The following DFFA variants were observed in gnomAD, a reference collection of about 807,000 sequenced individuals.
DFFA encodes DFF45.
A neutral mutation model predicts 28.0 loss-of-function variants in DFFA; 14 were observed. That is an observed-to-expected ratio of 0.50 (90% confidence interval 0.33 to 0.78). The LOEUF (loss-of-function observed/expected upper bound fraction) is 0.78, where lower values mean the gene tolerates loss of function less well. DFFA is among the 30% of genes least tolerant of loss of function. DFFA has a pLI of 0.02. For missense variants in DFFA, 395 were observed against 407.1 expected (o/e 0.97, Z 0.26); for synonymous variants, 158 against 170.3 (o/e 0.93, Z 0.56).
chr1:10,465,358 C>T lies in DFFA; in HGVS notation c.442-1738G>A, dbSNP rs573604955. Among the ~76,000 whole-genome samples the T allele has an allele frequency of 1.4e-3, 212 of 152,188 alleles. 1 individual carries two copies. The highest frequency in any genetic ancestry group is 2.6e-3 in the Non-Finnish European group (179 of 68,000). The stretch of plus-strand genomic sequence containing the variant: ...CTCTGCTCACTGCTACCTCCCCCTC[C>T]CAGGTCAAGTGATTCTCCTGCCTCA... On this transcript the variant is annotated intron_variant, in intron 3 of 5. Transcript: ENST00000377038.
At chr1:10,462,026 T>C (rs932557705) in intron 5 of DFFA, 2 of 210,534 alleles carry the variant, frequency 9.5e-6, no homozygotes, top group Non-Finnish European at 1.6e-5. Flanking sequence ...GGCTAATTTT[T>C]TTGTATTTTT....
In DFFA at chr1:10,463,474, G is replaced by T; in HGVS notation, c.588C>A (p.Leu196=). ...RQSKQLLQLY[L]QALEKEGSLL... ...GGCTGCCCTCTTTCTCCAAAGCCTGGAGGTACAGCTGCAGGAGCTGCTTGG... is the reference window on the plus strand; with the variant it reads ...GGCTGCCCTCTTTCTCCAAAGCCTGTAGGTACAGCTGCAGGAGCTGCTTGG... Residue 196 remains leucine (L), a synonymous_variant, in exon 4 of 6, where the codon CTC becomes CTA. Transcript: ENST00000377038. The T allele has an allele frequency of 6.2e-7, 1 of 1,614,010 alleles. No homozygotes were observed. The highest frequency in any genetic ancestry group is 8.5e-7 in the Non-Finnish European group (1 of 1,180,026).
At position 10,460,260 on chromosome 1, in the gene DFFA, A is replaced by C. The variant is rs1057264308; in HGVS notation, c.*1230T>G. On this transcript the variant is annotated 3_prime_UTR_variant, in exon 6 of 6. Transcript: ENST00000377038. ...ACTCTGTCTCAAAAAAACAAAACAAAACTTTTTTTTTTTCTTGAGATACGG... is the reference window on the plus strand; with the variant it reads ...ACTCTGTCTCAAAAAAACAAAACAACACTTTTTTTTTTTCTTGAGATACGG... The C allele has an allele frequency of 1.3e-5, 2 of 151,290 alleles. No individual in the cohort carries two copies. Among genetic ancestry groups the C allele is most frequent in the African/African-American group, 4.9e-5 (2 of 41,206 alleles). 9.4% of individuals were successfully genotyped at this position (151,290 alleles called of 1,614,324 possible). A position where few individuals can be genotyped will look rare whatever the true frequency, so the allele number is the denominator to read the frequency against.
chr1:10,461,661 C>A lies in DFFA; in HGVS notation c.825G>T (p.Leu275Phe). The change falls in exon 6 of 6, where the codon TTG becomes TTT. Residue 275 changes from leucine (L) to phenylalanine (F), a missense_variant. Coordinates refer to ENST00000377038, the MANE Select transcript of DFFA (RefSeq NM_004401.3). ...KEDPKALAVA[L>F]NWDIKKTETV... ...TCTCCGTCTTCTTTATGTCCCAGTT[C>A]AAGGCAACAGCCAGTGCTTTGGGGT... The A allele has an allele frequency of 6.2e-7, 1 of 1,614,278 alleles. No homozygotes were observed. Among genetic ancestry groups the A allele is most frequent in the South Asian group, 1.1e-5 (1 of 91,086 alleles).
In DFFA at chr1:10,469,256, G is replaced by A. The variant is rs756032927; in HGVS notation, c.219C>T (p.Asp73=). 3 of 1,613,942 alleles carry A rather than the reference G, an allele frequency of 1.9e-6. No homozygotes were observed. Among genetic ancestry groups the A allele is most frequent in the East Asian group, 2.2e-5 (1 of 44,906 alleles). ...TGGAAGGTAGACACAGAAAGTAATC[G>A]TCATCATCCACTATGGTGCCATCCT... ...LAEDGTIVDD[D]DYFLCLPSNT... The change falls in exon 2 of 6, where the codon GAC becomes GAT. Residue 73 remains aspartate (D), a synonymous_variant. Transcript: ENST00000377038.
Position 10,463,609 on chromosome 1 carries a change from G to A in DFFA, c.453C>T (p.Asp151=), listed in dbSNP as rs12567730. ...LSEEDLQMLV[D]APCSDLAQEL... ...CCTGAGCCAGGTCTGAGCAGGGAGC[G>A]TCAACAAGCATCTAACAAACAAACA... Residue 151 remains aspartate (D), a synonymous_variant, in exon 4 of 6, where the codon GAC becomes GAT. Coordinates refer to ENST00000377038, the MANE Select transcript of DFFA (RefSeq NM_004401.3). 2.4e-4 allele frequency: 379 copies of A among 1,610,414 alleles called. No homozygotes were observed. In the East Asian group the frequency reaches 5.9e-3, roughly 25 times the overall value.
rs1165962738 is a variant in DFFA at position 10,461,148 on chromosome 1, G to A, written c.*342C>T. ...GATGGTCTCGATCTCCTGACTTCACGATCCGCCCCCCTCGGCCTCCCAGTG... is the reference window on the plus strand; with the variant it reads ...GATGGTCTCGATCTCCTGACTTCACAATCCGCCCCCCTCGGCCTCCCAGTG... On this transcript the variant is annotated 3_prime_UTR_variant, in exon 6 of 6. Coordinates refer to ENST00000377038, the MANE Select transcript of DFFA (RefSeq NM_004401.3). 5 of 201,634 alleles carry A rather than the reference G, an allele frequency of 2.5e-5. No homozygotes were observed. Among genetic ancestry groups the A allele is most frequent in the African/African-American group, 6.8e-5 (3 of 44,102 alleles). 12.5% of individuals were successfully genotyped at this position (201,634 alleles called of 1,614,324 possible).
rs201801359 is a variant in DFFA at position 10,462,031 on chromosome 1, A to AT, written c.784-330dup. 1,578 of 205,234 alleles carry AT rather than the reference A, an allele frequency of 7.7e-3. 29 individuals are homozygous for AT. The highest frequency in any genetic ancestry group is 0.035 in the African/African-American group (1,464 of 42,318). The allele number at this position is 205,234 out of a possible 1,614,324, so 12.7% of individuals were successfully genotyped here. On this transcript the variant is annotated intron_variant, in intron 5 of 5. Transcript: ENST00000377038. Reference sequence around the variant, plus strand: ...GACCACGCCTGGCTAATTTTTTTGTATTTTTTTTAGTAGAGACGGGGTTTC... The same window carrying AT: ...GACCACGCCTGGCTAATTTTTTTGTATTTTTTTTTAGTAGAGACGGGGTTTC...
At position 10,461,124 on chromosome 1, in the gene DFFA, A is replaced by C. The variant is rs1436892196; in HGVS notation, c.*366T>G. On this transcript the variant is annotated 3_prime_UTR_variant, in exon 6 of 6. Transcript: ENST00000377038. ...ACAGGGTTTCACCATGTTAGCCAGGATGGTCTCGATCTCCTGACTTCACGA... is the reference window on the plus strand; with the variant it reads ...ACAGGGTTTCACCATGTTAGCCAGGCTGGTCTCGATCTCCTGACTTCACGA... 2.8e-5 allele frequency: 5 copies of C among 179,914 alleles called. No homozygotes were observed. The highest frequency in any genetic ancestry group is 2.8e-3 in the Middle Eastern group (1 of 356). 11.1% of individuals were successfully genotyped at this position (179,914 alleles called of 1,614,324 possible).
At chr1:10,468,393 G>A (rs952439304) in intron 2 of DFFA, among the ~76,000 whole-genome samples, 2 of 150,672 alleles carry the variant, frequency 1.3e-5, no homozygotes, top group African/African-American at 4.9e-5. Context: ...GTTGTGGGGG[G>A]AGGTTCGTAA....
rs769678616 is a variant in DFFA, at chr1:10,461,455, G to T, written c.*35C>A. ...TGAGGGTGTCTACCAATAACACAAC[G>T]CCACAGAGCTTCCTTGGCACACTTC... On this transcript the variant is annotated 3_prime_UTR_variant, in exon 6 of 6. Coordinates refer to ENST00000377038, the MANE Select transcript of DFFA (RefSeq NM_004401.3). 2 of 1,594,058 alleles carry T rather than the reference G, an allele frequency of 1.3e-6. No individual in the cohort carries two copies. The highest frequency in any genetic ancestry group is 1.1e-5 in the South Asian group (1 of 88,768).
At chr1:10,470,498 C>T (rs1641081726) in intron 1 of DFFA, among the ~76,000 whole-genome samples, 1 of 148,192 alleles carries the variant, frequency 6.7e-6, no homozygotes, top group African/African-American at 2.5e-5. Flanking sequence ...TATCTGGGCT[C>T]ACTGCAAGCT....
intron 1 of DFFA, among the ~76,000 whole-genome samples, chr1:10,470,422 CTTTTT>C (rs59658414): frequency 8.4e-4 from 90 of 107,280 alleles, no homozygotes; most frequent in Non-Finnish European, 1.4e-3. Flanking sequence ...CAGTTTTCCT[CTTTTT>C]TTTTTTTTTT....
Position 10,463,519 on chromosome 1 carries a change from T to G in DFFA, c.543A>C (p.Gln181His). ...LQHTLQQVLD[Q>H]REEVRQSKQL... is the part of the protein sequence containing the mutation. ...GCTTGGACTGACGCACTTCCTCTCTTTGGTCAAGCACCTGTTGGAGTGTGT... is the reference window on the plus strand; with the variant it reads ...GCTTGGACTGACGCACTTCCTCTCTGTGGTCAAGCACCTGTTGGAGTGTGT... The change falls in exon 4 of 6, where the codon CAA becomes CAC. Residue 181 changes from glutamine (Q) to histidine (H), a missense_variant. Coordinates refer to ENST00000377038, the MANE Select transcript of DFFA (RefSeq NM_004401.3). The G allele has an allele frequency of 6.2e-7, 1 of 1,614,126 alleles. No homozygotes were observed. Among genetic ancestry groups the G allele is most frequent in the South Asian group, 1.1e-5 (1 of 91,084 alleles).
intron 1 of DFFA, among the ~76,000 whole-genome samples, chr1:10,471,081 A>G (rs974929142): frequency 1.1e-4 from 16 of 149,980 alleles, no homozygotes; most frequent in African/African-American, 3.7e-4. Flanking sequence ...AAAAAAAAAA[A>G]GAAAATGCTT....
chr1:10,465,196 G>T (rs964542215), intron 3 of DFFA, among the ~76,000 whole-genome samples: 1 of 152,216 alleles, frequency 6.6e-6, no homozygotes, highest in African/African-American at 2.4e-5. Flanking sequence ...CTGGGTTCAA[G>T]CTATTCTCCT....
rs1440574958 is a variant in DFFA at position 10,458,145 on chromosome 1, C to A, written c.*3345G>T. 1 of 152,204 alleles carries A rather than the reference C, an allele frequency of 6.6e-6. No homozygotes were observed. 9.4% of individuals were successfully genotyped at this position (152,204 alleles called of 1,614,324 possible). A position where few individuals can be genotyped will look rare whatever the true frequency, so the allele number is the denominator to read the frequency against. ...TGCTGACGGTGTTTGAGCTGACAAT[C>A]CCCGTGCCCCATGTGCCAATCAGCC... On this transcript the variant is annotated 3_prime_UTR_variant, in exon 6 of 6. Transcript: ENST00000377038.
chr1:10,467,950 T>A (rs1221672272), intron 2 of DFFA, among the ~76,000 whole-genome samples: 1 of 151,828 alleles, frequency 6.6e-6, no homozygotes, highest in Non-Finnish European at 1.5e-5. Flanking sequence ...GTGTGTCCTG[T>A]TTTTTATACG....
rs1641105645 is a variant in DFFA at position 10,472,037 on chromosome 1, C to T, written c.136+286G>A. ...AGGAACCCAGTGGGGTCCGTTTGGT[C>T]CAACATCGAAGTGATTTCAGGCAAG... On this transcript the variant is annotated intron_variant, in intron 1 of 5. Transcript: ENST00000377038. The surrounding 1 kb of genome is among the most constrained non-coding windows in gnomAD (Gnocchi z 5.0). 6.6e-6 allele frequency among the ~76,000 whole-genome samples: 1 copy of T among 152,118 alleles called. No individual in the cohort carries two copies. The highest frequency in any genetic ancestry group is 1.5e-5 in the Non-Finnish European group (1 of 68,028).
Sources: gnomAD v4.1 joint callset for allele counts (sites outside exome capture counted in the v4.1 genomes callset) on GRCh38, gnomAD v4.1.1 for gene constraint, Gnocchi (gnomAD v3.1) non-coding constraint, MANE v1.5 for transcripts, NCBI Gene and HGNC (gene_info 2026-07-23, HGNC 2026-07-21) for gene names.